The following C14orf93 variants were observed in gnomAD, a reference collection of about 807,000 sequenced individuals.
C14orf93 encodes the protein chromosome 14 open reading frame 93.
C14orf93 carries 23 observed loss-of-function variants against 44.0 expected under a neutral mutation model. The observed-to-expected ratio is 0.52, with a 90% confidence interval of 0.38 to 0.74. The LOEUF is 0.74. C14orf93 is among the 30% of genes least tolerant of loss of function. The probability of loss-of-function intolerance (pLI) is 0.00; values close to 1 mark genes in which losing one functional copy is unlikely to be tolerated. For missense variants in C14orf93, 579 were observed against 678.9 expected (o/e 0.85, Z 1.64); for synonymous variants, 253 against 265.7 (o/e 0.95, Z 0.46).
intron 3 of C14orf93, among the ~76,000 whole-genome samples, chr14:22,992,704 C>T (rs951446716): frequency 1.3e-5 from 2 of 151,508 alleles, no homozygotes; most frequent in Non-Finnish European, 2.9e-5. Context: ...CTGGCTCAGC[C>T]TCCCTAGTTA....
rs141921270 is a variant in C14orf93 at position 22,990,760 on chromosome 14, C to T, written c.919-633G>A. Among the ~76,000 whole-genome samples, 1,368 of 152,002 alleles carry T rather than the reference C, an allele frequency of 9.0e-3. 21 individuals are homozygous for T. The highest frequency in any genetic ancestry group is 0.031 in the African/African-American group (1,291 of 41,476). ...GTGGGATTACAGGCATGAGCCACCA[C>T]GCCCAGCCAAGTGAACATTTCCTGA... is the stretch of plus-strand genomic sequence containing the variant. On this transcript the variant is annotated intron_variant, in intron 3 of 6. Coordinates refer to ENST00000299088, the MANE Select transcript of C14orf93 (RefSeq NM_021944.4).
intron 1 of C14orf93, chr14:23,000,142 G>A (rs562393147): frequency 1.3e-5 from 2 of 152,290 alleles, no homozygotes; most frequent in South Asian, 4.1e-4. Context: ...CCCATTAAAG[G>A]AGAAACCAGA....
rs1259103728 is a variant in C14orf93 at position 22,989,822 on chromosome 14, G to T, written c.1004C>A (p.Ser335Ter). The change falls in exon 5 of 7, where the codon TCA becomes TAA. Residue 335 changes from serine (S) to a stop codon, truncating the protein, a stop_gained. Transcript: ENST00000299088. LOFTEE classifies it high-confidence loss of function. ...CTTTTCCAGAAGAAACTTCACTACT[G>T]AAATATTCCAAGAGGACTTGATGCT... The part of the protein sequence containing the change: ...SESIKSSWNI[S>*]VVKFLLEKLK... 1.2e-6 allele frequency: 2 copies of T among 1,614,002 alleles called. No individual in the cohort carries two copies. Among genetic ancestry groups the T allele is most frequent in the African/African-American group, 2.7e-5 (2 of 75,040 alleles).
At position 23,010,111 on chromosome 14, in the gene C14orf93, T is replaced by C. The variant is rs1218799182; in HGVS notation, c.-390A>G. ...ATGGAAAAAGGATACCCGAAGGTCG[T>C]ATGGCTCTTTGTATTCGTGTGTGTG... On this transcript the variant is annotated 5_prime_UTR_variant, in exon 1 of 7. In the 5' UTR this introduces an upstream ATG that the reference lacks. Coordinates refer to ENST00000299088, the MANE Select transcript of C14orf93 (RefSeq NM_021944.4). 6.6e-6 allele frequency: 1 copy of C among 152,116 alleles called. No individual in the cohort carries two copies. The highest frequency in any genetic ancestry group is 2.4e-5 in the African/African-American group (1 of 41,426). 9.4% of individuals were successfully genotyped at this position (152,116 alleles called of 1,614,324 possible). A position where few individuals can be genotyped will look rare whatever the true frequency, so the allele number is the denominator to read the frequency against.
chr14:22,992,049 T>C (rs1379300716), intron 3 of C14orf93, among the ~76,000 whole-genome samples: 6 of 152,252 alleles, frequency 3.9e-5, no homozygotes, highest in Non-Finnish European at 8.8e-5. Flanking sequence ...GGCTATATTA[T>C]ATTACCCAAT....
In C14orf93 at chr14:22,986,306, C is replaced by G. The variant is rs1482419307; in HGVS notation, c.*909G>C. 6.6e-6 allele frequency: 1 copy of G among 152,338 alleles called. No individual in the cohort carries two copies. The highest frequency in any genetic ancestry group is 1.5e-5 in the Non-Finnish European group (1 of 68,116). The allele number at this position is 152,338 out of a possible 1,614,324, so 9.4% of individuals were successfully genotyped here. ...TTATCACAGTTCATTTCATTGCCTACTCCACTGCCTGGCTTCCTGACTAAA... is the reference window on the plus strand; with the variant it reads ...TTATCACAGTTCATTTCATTGCCTAGTCCACTGCCTGGCTTCCTGACTAAA... On this transcript the variant is annotated 3_prime_UTR_variant, in exon 7 of 7. Coordinates refer to ENST00000299088, the MANE Select transcript of C14orf93 (RefSeq NM_021944.4).
intron 4 of C14orf93, 25 bp from the exon 5 acceptor site, chr14:22,989,870 T>G: frequency 6.3e-7 from 1 of 1,596,082 alleles, no homozygotes; most frequent in Non-Finnish European, 8.6e-7. Context: ...AGAGAATGAA[T>G]AAAGTTGTCG....
chr14:22,992,158 A>T (rs2045678381), intron 3 of C14orf93, among the ~76,000 whole-genome samples: 1 of 151,998 alleles, frequency 6.6e-6, no homozygotes, highest in Admixed American at 6.5e-5. Flanking sequence ...ATTGTTGAAC[A>T]TTTCTACTCA....
intron 1 of C14orf93, among the ~76,000 whole-genome samples, chr14:23,002,135 C>G (rs1428002579): frequency 2.3e-5 from 3 of 131,336 alleles, no homozygotes; most frequent in Admixed American, 8.2e-5. Context: ...GGCGACAGAG[C>G]GAGATTCCGT....
intron 1 of C14orf93, among the ~76,000 whole-genome samples, chr14:23,009,482 A>AACAC (rs71425061): frequency 4.0e-5 from 6 of 151,254 alleles, no homozygotes; most frequent in African/African-American, 4.9e-5. Flanking sequence ...TGTTTCAAGA[A>AACAC]ACACACACAC....
chr14:22,989,005 G>A lies in C14orf93; in HGVS notation c.1084+737C>T, dbSNP rs573649162. ...GATTACAAGTATTTTTTTATTTTTCGTTGAAACAAGGTTTGCCCACAGTGG... is the reference window on the plus strand; with the variant it reads ...GATTACAAGTATTTTTTTATTTTTCATTGAAACAAGGTTTGCCCACAGTGG... On this transcript the variant is annotated intron_variant, in intron 5 of 6. Coordinates refer to ENST00000299088, the MANE Select transcript of C14orf93 (RefSeq NM_021944.4). Among the ~76,000 whole-genome samples, 145 of 151,852 alleles carry A rather than the reference G, an allele frequency of 9.5e-4. 1 individual carries two copies. Among genetic ancestry groups the A allele is most frequent in the African/African-American group, 3.3e-3 (135 of 41,434 alleles).
chr14:22,986,332 C>G lies in C14orf93; in HGVS notation c.*883G>C, dbSNP rs1171184711. On this transcript the variant is annotated 3_prime_UTR_variant, in exon 7 of 7. Coordinates refer to ENST00000299088, the MANE Select transcript of C14orf93 (RefSeq NM_021944.4). ...TCCACTGCCTGGCTTCCTGACTAAA[C>G]TAAAAAAATCTCTGAACAGCATCCA... The G allele has an allele frequency of 6.6e-6, 1 of 152,294 alleles. No individual in the cohort carries two copies. The highest frequency in any genetic ancestry group is 1.5e-5 in the Non-Finnish European group (1 of 68,120). The allele number at this position is 152,294 out of a possible 1,614,324, so 9.4% of individuals were successfully genotyped here.
At position 22,996,976 on chromosome 14, in the gene C14orf93, C is replaced by T. The variant is rs1594639221; in HGVS notation, c.598-708G>A. 9.3e-6 allele frequency among the ~76,000 whole-genome samples: 1 copy of T among 107,406 alleles called. No homozygotes were observed. Among genetic ancestry groups the T allele is most frequent in the African/African-American group, 5.0e-5 (1 of 19,828 alleles). 70.5% of individuals were successfully genotyped at this position (107,406 alleles called of 152,430 possible). ...AAAATACTGAAAGTGGGGACACACA[C>T]GCACACGCACACACACACACACACA... On this transcript the variant is annotated intron_variant, in intron 2 of 6. Transcript: ENST00000299088. The surrounding 1 kb of genome is among the most constrained non-coding windows in gnomAD (Gnocchi z 4.1).
In C14orf93 at chr14:22,998,820, C is replaced by G; in HGVS notation, c.204G>C (p.Arg68=). 6.2e-7 allele frequency: 1 copy of G among 1,614,164 alleles called. No individual in the cohort carries two copies. Among genetic ancestry groups the G allele is most frequent in the Non-Finnish European group, 8.5e-7 (1 of 1,180,028 alleles). ...CAGCCAAACCCACTGCCTTATCGAC[C>G]CGCTGGTAGATAACATGCAGGAGCT... ...SEQLLHVIYQ[R]VDKAVGLAEA... The change falls in exon 2 of 7, where the codon CGG becomes CGC. Residue 68 remains arginine (R), a synonymous_variant. Coordinates refer to ENST00000299088, the MANE Select transcript of C14orf93 (RefSeq NM_021944.4).
chr14:22,999,041 C>T lies in C14orf93; in HGVS notation c.-18G>A. 6.3e-7 allele frequency: 1 copy of T among 1,593,798 alleles called. No homozygotes were observed. The highest frequency in any genetic ancestry group is 8.5e-7 in the Non-Finnish European group (1 of 1,172,898). On this transcript the variant is annotated 5_prime_UTR_variant, in exon 2 of 7. Transcript: ENST00000299088. ...AAGGACATGGCGGATGGGGCAGTAA[C>T]AACCACGCTTACACTGCTGGGCCGC...
chr14:22,996,193 G>T lies in C14orf93; in HGVS notation c.673C>A (p.Pro225Thr). Reference protein sequence around the residue: ...LVPAYAKQLSPATQLAIQRAT... With the variant: ...LVPAYAKQLSTATQLAIQRAT... The stretch of plus-strand genomic sequence containing the variant: ...CGCTGGATTGCCAGTTGTGTGGCTG[G>T]TGAGAGTTGCTTGGCATAAGCAGGG... The change falls in exon 3 of 7, where the codon CCA (proline) becomes ACA (threonine). Residue 225 changes from proline to threonine, a missense_variant. Coordinates refer to ENST00000299088, the MANE Select transcript of C14orf93 (RefSeq NM_021944.4). This position sits in a 1 kb window ranked among gnomAD's most constrained non-coding sequence, Gnocchi z 4.1. 1.9e-6 allele frequency: 3 copies of T among 1,612,830 alleles called. No individual in the cohort carries two copies. The Admixed American group carries it at 5.0e-5, about 27-fold the overall frequency.
At position 23,003,898 on chromosome 14, in the gene C14orf93, A is replaced by ATTTTTTTTTT. The variant is rs1170432984; in HGVS notation, c.-379-4506_-379-4497dup. Among the ~76,000 whole-genome samples the ATTTTTTTTTT allele has an allele frequency of 2.9e-4, 3 of 10,380 alleles. 1 individual carries two copies. The highest frequency in any genetic ancestry group is 4.3e-4 in the Non-Finnish European group (3 of 7,024). 6.8% of individuals were successfully genotyped at this position (10,380 alleles called of 152,430 possible). The stretch of plus-strand genomic sequence containing the variant: ...TATATATATATATATATATATATAT[A>ATTTTTTTTTT]TTTTTTTTTTTTTTTTTTTTTTTTT... On this transcript the variant is annotated intron_variant, in intron 1 of 6. Transcript: ENST00000299088.
intron 3 of C14orf93, among the ~76,000 whole-genome samples, chr14:22,995,296 A>T (rs1261833733): frequency 6.6e-6 from 1 of 152,230 alleles, no homozygotes; most frequent in East Asian, 1.9e-4. Context: ...CTTACTCTGC[A>T]CACTAGCTTA....
At chr14:22,989,984 A>G in intron 4 of C14orf93, 82 bp downstream of exon 4, 2 of 1,446,334 alleles carry the variant, frequency 1.4e-6, no homozygotes, top group South Asian at 1.2e-5. Flanking sequence ...CCTTAGTCTC[A>G]TTGCTGTATT....
Sources: gnomAD v4.1 joint callset for allele counts (sites outside exome capture counted in the v4.1 genomes callset) on GRCh38, gnomAD v4.1.1 for gene constraint, Gnocchi (gnomAD v3.1) non-coding constraint, MANE v1.5 for transcripts, NCBI Gene and HGNC (gene_info 2026-07-23, HGNC 2026-07-21) for gene names.